Variants in RBFOX1 observed in about 807,000 individuals in gnomAD.
RBFOX1 encodes the protein RNA binding fox-1 homolog 1, also known as RNA binding protein fox-1 homolog 1.
Under a neutral mutation model 57.7 loss-of-function variants are expected in RBFOX1, and 8 were observed. That is an observed-to-expected ratio of 0.14 (90% CI 0.08 to 0.25). The LOEUF (loss-of-function observed/expected upper bound fraction) is 0.25. RBFOX1 is among the 10% of genes least tolerant of loss of function. The probability of loss-of-function intolerance (pLI) is 1.00; values close to 1 mark genes in which losing one functional copy is unlikely to be tolerated. For missense variants in RBFOX1, 611 were observed against 548.5 expected (o/e 1.11, Z -1.14); for synonymous variants, 326 against 222.4 (o/e 1.47, Z -4.15).
intron 3 of RBFOX1, among the ~76,000 whole-genome samples, chr16:5,620,953 G>A (rs768868171): frequency 6.6e-6 from 1 of 152,026 alleles, no homozygotes; most frequent in African/African-American, 2.4e-5. Context: ...CCATTCTCCT[G>A]CCTCAGCCTC....
At chr16:6,821,838 T>C (rs114966769) in intron 3 of RBFOX1, among the ~76,000 whole-genome samples, 4,106 of 152,302 alleles carry the variant, frequency 0.027, 199 homozygotes, top group African/African-American at 0.095. Context: ...AACATGAAGG[T>C]GCAGGCACTT....
At chr16:7,370,058 C>G (rs2097538940) in intron 4 of RBFOX1, among the ~76,000 whole-genome samples, 1 of 152,182 alleles carries the variant, frequency 6.6e-6, no homozygotes, top group African/African-American at 2.4e-5. Flanking sequence ...TTGACATTTT[C>G]AAGCTTGGCA....
At chr16:6,452,134 C>A (rs1444300532) in intron 2 of RBFOX1, among the ~76,000 whole-genome samples, 1 of 150,470 alleles carries the variant, frequency 6.6e-6, no homozygotes, top group African/African-American at 2.5e-5. Flanking sequence ...TTCCATGACT[C>A]CATCCATGGG....
At chr16:7,455,534 G>A (rs2058323422) in intron 4 of RBFOX1, among the ~76,000 whole-genome samples, 1 of 152,044 alleles carries the variant, frequency 6.6e-6, no homozygotes, top group Non-Finnish European at 1.5e-5. Flanking sequence ...GCTCATGCCT[G>A]TAATCCTAGC....
intron 2 of RBFOX1, among the ~76,000 whole-genome samples, chr16:6,327,739 G>C (rs1305381548): frequency 6.6e-6 from 1 of 152,166 alleles, no homozygotes; most frequent in Non-Finnish European, 1.5e-5. Flanking sequence ...ATAGATTCTG[G>C]TGCAAGACAT....
chr16:7,019,793 C>G (rs545525912), intron 3 of RBFOX1, among the ~76,000 whole-genome samples: 1 of 152,160 alleles, frequency 6.6e-6, no homozygotes, highest in Non-Finnish European at 1.5e-5. Context: ...GAAATACCCA[C>G]GCCCCAATTC....
At chr16:5,558,189 G>A (rs1204444020) in intron 2 of RBFOX1, among the ~76,000 whole-genome samples, 1 of 152,184 alleles carries the variant, frequency 6.6e-6, no homozygotes, top group Non-Finnish European at 1.5e-5. Flanking sequence ...ACAGAAGGCT[G>A]TCACACTAGC....
At chr16:7,683,147 A>G (rs1458776196) in intron 14 of RBFOX1, among the ~76,000 whole-genome samples, 2 of 147,074 alleles carry the variant, frequency 1.4e-5, no homozygotes, top group Admixed American at 6.9e-5. Context: ...TGATGTATGG[A>G]GATGGCTCTG....
chr16:6,346,594 C>G (rs570333359), intron 2 of RBFOX1, among the ~76,000 whole-genome samples: 19 of 152,324 alleles, frequency 1.2e-4, no homozygotes, highest in African/African-American at 3.8e-4. Context: ...GTGGAGCTCT[C>G]TGAAACTCTT....
At chr16:6,743,912 A>C (rs571583848) in intron 3 of RBFOX1, among the ~76,000 whole-genome samples, 1 of 150,814 alleles carries the variant, frequency 6.6e-6, no homozygotes, top group Non-Finnish European at 1.5e-5. Flanking sequence ...TTCATCTATG[A>C]TATATACAGT....
At chr16:5,860,800 A>G (rs2057193742) in intron 3 of RBFOX1, among the ~76,000 whole-genome samples, 1 of 152,166 alleles carries the variant, frequency 6.6e-6, no homozygotes, top group Non-Finnish European at 1.5e-5. Flanking sequence ...GCCAAGCTCC[A>G]GGGCTCCTCT....
At chr16:7,215,383 G>A (rs1319209310) in intron 4 of RBFOX1, among the ~76,000 whole-genome samples, 1 of 152,138 alleles carries the variant, frequency 6.6e-6, no homozygotes, top group Non-Finnish European at 1.5e-5. Flanking sequence ...GTTTATTGCA[G>A]CAGTAATTAC....
intron 2 of RBFOX1, among the ~76,000 whole-genome samples, chr16:6,636,822 T>A (rs1349867873): frequency 3.5e-5 from 4 of 113,200 alleles, no homozygotes; most frequent in Admixed American, 1.0e-4. Flanking sequence ...TAATATATAA[T>A]ATATGTTATA....
At chr16:5,976,477 G>T (rs1345564085) in intron 4 of RBFOX1, among the ~76,000 whole-genome samples, 2 of 152,132 alleles carry the variant, frequency 1.3e-5, no homozygotes, top group African/African-American at 2.4e-5. Flanking sequence ...ATGTTCCTTA[G>T]AATCCCATTA....
At chr16:5,360,434 G>A (rs1291557518) in intron 1 of RBFOX1, among the ~76,000 whole-genome samples, 1 of 152,254 alleles carries the variant, frequency 6.6e-6, no homozygotes, top group Non-Finnish European at 1.5e-5. Flanking sequence ...CAGGCTGGCT[G>A]GCTTGCCGGG....
Position 5,391,145 on chromosome 16 carries a change from C to A in RBFOX1, c.220-76071C>A, listed in dbSNP as rs79538004. ...ACACGTTAGGTTGTGTTAGGAAAGC[C>A]ATTTTGCATGAAGTCTTAAAGAAAC... On this transcript the variant is annotated intron_variant, in intron 1 of 2. Coordinates refer to the RBFOX1 transcript ENST00000585867. 2.6e-3 allele frequency among the ~76,000 whole-genome samples: 396 copies of A among 152,276 alleles called. 4 individuals carry two copies. The highest frequency in any genetic ancestry group is 9.1e-3 in the African/African-American group (378 of 41,544).
intron 2 of RBFOX1, among the ~76,000 whole-genome samples, chr16:6,353,480 G>C (rs2086753476): frequency 6.6e-6 from 1 of 151,918 alleles, no homozygotes; most frequent in African/African-American, 2.4e-5. Context: ...AAGTACTTAT[G>C]GTCCCTTTTA....
intron 1 of RBFOX1, among the ~76,000 whole-genome samples, chr16:5,404,307 G>C (rs2066802479): frequency 6.6e-6 from 1 of 152,132 alleles, no homozygotes; most frequent in Non-Finnish European, 1.5e-5. Flanking sequence ...CCTTTTAAAA[G>C]AAGTGCCAAC....
At chr16:6,136,397 A>C (rs2096667833) in intron 1 of RBFOX1, among the ~76,000 whole-genome samples, 1 of 152,110 alleles carries the variant, frequency 6.6e-6, no homozygotes, top group African/African-American at 2.4e-5. Flanking sequence ...CAGGTGTTGC[A>C]GAGTAGGAAA....
Sources: gnomAD v4.1 joint callset for allele counts (sites outside exome capture counted in the v4.1 genomes callset) on GRCh38, gnomAD v4.1.1 for gene constraint, MANE v1.5 for transcripts, NCBI Gene and HGNC (gene_info 2026-07-23, HGNC 2026-07-21) for gene names.